Variants in DNAH9 observed in about 807,000 individuals in gnomAD.
The protein encoded by DNAH9 is dynein axonemal heavy chain 9.
DNAH9 carries 345 observed loss-of-function variants against 471.6 expected under a neutral mutation model. The observed-to-expected ratio is 0.73, with a 90% CI of 0.67 to 0.80. The LOEUF (loss-of-function observed/expected upper bound fraction) is 0.80, where lower values mean the gene tolerates loss of function less well. DNAH9 is among the 30% of genes least tolerant of loss of function. DNAH9 has a pLI of 0.00. For missense variants in DNAH9, 5,407 were observed against 5,609.2 expected (o/e 0.96, Z 1.15); for synonymous variants, 2,093 against 2,123.6 (o/e 0.99, Z 0.40).
intron 59 of DNAH9, among the ~76,000 whole-genome samples, chr17:11,899,705 G>A (rs1289927850): frequency 3.3e-5 from 5 of 152,166 alleles, no homozygotes; most frequent in Admixed American, 2.6e-4. Context: ...TAATAATGAT[G>A]CAAACTGGGA....
chr17:11,623,614 C>T lies in DNAH9; in HGVS notation c.1350+3833C>T, dbSNP rs1000382689. On this transcript the variant is annotated intron_variant, in intron 6 of 68. Transcript: ENST00000262442. The surrounding 1 kb of genome is among the most constrained non-coding windows in gnomAD (Gnocchi z 4.1). ...TGTCCTCTGGCATATTTCATGTAGG[C>T]CTTTAGTTAATATTCTGTGTATCTC... Among the ~76,000 whole-genome samples the T allele has an allele frequency of 6.6e-6, 1 of 152,080 alleles. No homozygotes were observed. Among genetic ancestry groups the T allele is most frequent in the Non-Finnish European group, 1.5e-5 (1 of 68,016 alleles).
chr17:11,611,548 C>A, intron 3 of DNAH9, 102 bp from the exon 4 acceptor site: 2 of 1,259,048 alleles, frequency 1.6e-6, no homozygotes, highest in Non-Finnish European at 2.2e-6. Context: ...TGGAAGCACC[C>A]CGAGGCAGGG....
At chr17:11,618,085 G>C (rs2072782024) in intron 5 of DNAH9, among the ~76,000 whole-genome samples, 1 of 152,170 alleles carries the variant, frequency 6.6e-6, no homozygotes, top group South Asian at 2.1e-4. Flanking sequence ...CTGTACAATG[G>C]TGAAAACAAG....
chr17:11,680,944 A>T, intron 19 of DNAH9, 55 bp downstream of exon 19: 2 of 1,481,680 alleles, frequency 1.3e-6, no homozygotes, highest in Non-Finnish European at 1.8e-6. Flanking sequence ...TCTTTGAGTC[A>T]TGGATAATCT....
intron 27 of DNAH9, among the ~76,000 whole-genome samples, chr17:11,722,145 G>A (rs1272676659): frequency 1.3e-5 from 2 of 152,276 alleles, no homozygotes; most frequent in South Asian, 2.1e-4. Context: ...GGGAGATTTC[G>A]ATGTGTCATT....
At chr17:11,628,686 A>G (rs2073012002) in intron 6 of DNAH9, among the ~76,000 whole-genome samples, 2 of 152,352 alleles carry the variant, frequency 1.3e-5, no homozygotes, top group South Asian at 2.1e-4. Flanking sequence ...TTTTCCGTCA[A>G]CATCCCTTAG....
chr17:11,776,721 ATCT>A (rs1229984199), intron 38 of DNAH9, among the ~76,000 whole-genome samples: 27 of 152,336 alleles, frequency 1.8e-4, no homozygotes, highest in Admixed American at 5.2e-4. Context: ...GCTTCCACTC[ATCT>A]GATATCTAGA....
intron 24 of DNAH9, among the ~76,000 whole-genome samples, chr17:11,703,015 C>T (rs775300749): frequency 3.3e-5 from 5 of 151,328 alleles, no homozygotes. Flanking sequence ...ATGGCGTGAA[C>T]CCGGGAGGCG....
chr17:11,632,821 A>C, intron 8 of DNAH9, 118 bp downstream of exon 8: 1 of 561,502 alleles, frequency 1.8e-6, no homozygotes, highest in Non-Finnish European at 3.2e-6. Flanking sequence ...TATTCTTATT[A>C]ATCTAGTAGA....
chr17:11,903,809 G>T (rs890762344), intron 60 of DNAH9, among the ~76,000 whole-genome samples: 1 of 152,244 alleles, frequency 6.6e-6, no homozygotes, highest in Non-Finnish European at 1.5e-5. Flanking sequence ...TACTTAGGAG[G>T]CTGAGACAGG....
intron 54 of DNAH9, among the ~76,000 whole-genome samples, chr17:11,880,638 G>C (rs902237895): frequency 6.6e-6 from 1 of 152,154 alleles, no homozygotes; most frequent in African/African-American, 2.4e-5. Flanking sequence ...GCAAAGCAGG[G>C]GGTGGTGTGG....
intron 63 of DNAH9, among the ~76,000 whole-genome samples, chr17:11,931,065 C>G (rs369649435): frequency 6.6e-6 from 1 of 152,212 alleles, no homozygotes; most frequent in Non-Finnish European, 1.5e-5. Context: ...CCTCTTTGAT[C>G]TTCTCAAGAA....
chr17:11,906,761 G>T (rs1285737707), intron 61 of DNAH9, among the ~76,000 whole-genome samples: 2 of 152,068 alleles, frequency 1.3e-5, no homozygotes, highest in Non-Finnish European at 2.9e-5. Context: ...ACTAACTAAT[G>T]CAGGAACAGA....
chr17:11,701,171 G>A lies in DNAH9; in HGVS notation c.5075G>A (p.Arg1692Lys), dbSNP rs764624442. 2 of 1,614,126 alleles carry A rather than the reference G, an allele frequency of 1.2e-6. No homozygotes were observed. The highest frequency in any genetic ancestry group is 1.7e-6 in the Non-Finnish European group (2 of 1,179,992). ...CTTGGTCACATGAAGGCCACTGTGAGGCATGAGATGACAGAAGGTGTAACT... is the reference window on the plus strand; with the variant it reads ...CTTGGTCACATGAAGGCCACTGTGAAGCATGAGATGACAGAAGGTGTAACT... ...HVLGHMKATV[R>K]HEMTEGVTAY... The change falls in exon 24 of 69, where the codon AGG becomes AAG. Residue 1692 changes from arginine (R) to lysine (K), a missense_variant. By Grantham distance (26) the Arg-to-Lys change is conservative. Around this residue, in one of 3 missense-constraint regions of DNAH9, gnomAD observed 4,636 missense variants for 4,900.3 expected, o/e 0.95. Transcript: ENST00000262442.
intron 48 of DNAH9, among the ~76,000 whole-genome samples, chr17:11,832,922 A>C (rs1411837047): frequency 6.6e-6 from 1 of 152,216 alleles, no homozygotes; most frequent in Non-Finnish European, 1.5e-5. Context: ...TTGCATCTGA[A>C]AAGGCCATTA....
At chr17:11,948,106 C>CT (rs904822636) in intron 67 of DNAH9, among the ~76,000 whole-genome samples, 29 of 151,522 alleles carry the variant, frequency 1.9e-4, no homozygotes, top group African/African-American at 4.4e-4. Flanking sequence ...TGGCATCAGG[C>CT]TTTTTTTCTA....
intron 8 of DNAH9, 146 bp from the exon 9 acceptor site, chr17:11,636,488 A>G (rs918041183): frequency 4.9e-6 from 3 of 618,134 alleles, no homozygotes; most frequent in Admixed American, 5.9e-5. Context: ...ACATATGAAT[A>G]ATTACAGGTC....
chr17:11,664,730 G>T (rs1442047460), intron 14 of DNAH9, 103 bp from the exon 15 acceptor site: 1 of 940,454 alleles, frequency 1.1e-6, no homozygotes, highest in Non-Finnish European at 1.6e-6. Flanking sequence ...TTCTCCACAA[G>T]AGAGTTTTTT....
intron 50 of DNAH9, among the ~76,000 whole-genome samples, chr17:11,860,670 T>C (rs1191906437): frequency 6.6e-6 from 1 of 152,164 alleles, no homozygotes; most frequent in East Asian, 1.9e-4. Context: ...CAAGCGATTC[T>C]CCTGCCTCAG....
Sources: gnomAD v4.1 joint callset for allele counts (sites outside exome capture counted in the v4.1 genomes callset) on GRCh38, gnomAD v4.1.1 for gene constraint, gnomAD v4.1.1 regional missense constraint, Gnocchi (gnomAD v3.1) non-coding constraint, MANE v1.5 for transcripts, NCBI Gene and HGNC (gene_info 2026-07-23, HGNC 2026-07-21) for gene names.